Variants in NCOA2 observed in about 807,000 individuals in gnomAD.
The protein encoded by NCOA2 is class E basic helix-loop-helix protein 75.
In NCOA2, 21 loss-of-function variants were observed where a neutral mutation model predicts 145.1. The ratio of observed to expected loss-of-function variants is 0.14; its 90% CI spans 0.10 to 0.21. NCOA2 has a LOEUF of 0.21. Among genes scored for constraint, NCOA2 ranks in the 10% least tolerant of loss-of-function variants. The pLI is 1.00. For synonymous variants in NCOA2, 619 were observed against 637.5 expected, an observed-to-expected ratio of 0.97 and a Z score of 0.44; for missense variants, 1,472 against 1,837.6, an observed-to-expected ratio of 0.80 and a Z score of 3.64.
At chr8:70,201,757 G>C (rs1229237018) in intron 4 of NCOA2, among the ~76,000 whole-genome samples, 2 of 152,162 alleles carry the variant, frequency 1.3e-5, no homozygotes, top group Non-Finnish European at 2.9e-5. Flanking sequence ...ACCTGTATAG[G>C]AAGTCTAACG....
chr8:70,326,463 ACACACACATG>A (rs1158122373), intron 1 of NCOA2, among the ~76,000 whole-genome samples: 2 of 150,924 alleles, frequency 1.3e-5, no homozygotes, highest in Admixed American at 1.3e-4. Context: ...GCACACACAC[ACACACACATG>A]CACACACACA....
intron 1 of NCOA2, among the ~76,000 whole-genome samples, chr8:70,400,855 C>A (rs1370919324): frequency 6.6e-6 from 1 of 152,112 alleles, no homozygotes; most frequent in Non-Finnish European, 1.5e-5. Context: ...TTCTTAGCAA[C>A]CCAAGATTAA....
Position 70,253,738 on chromosome 8 carries a change from C to T in NCOA2, c.-19-36974G>A, listed in dbSNP as rs145453534. ...ATGCTGGAGCCTTACCTTACGCATA[C>T]AAAAATTAACTCAAAATGATTACAA... is the stretch of plus-strand genomic sequence containing the variant. On this transcript the variant is annotated intron_variant, in intron 2 of 22. Coordinates refer to ENST00000452400, the MANE Select transcript of NCOA2 (RefSeq NM_006540.4). Among the ~76,000 whole-genome samples the T allele has an allele frequency of 5.3e-5, 8 of 152,092 alleles. No homozygotes were observed. In the East Asian group the frequency reaches 1.4e-3, roughly 26 times the overall value.
intron 2 of NCOA2, among the ~76,000 whole-genome samples, chr8:70,271,068 G>T (rs184678649): frequency 1.3e-5 from 2 of 152,068 alleles, no homozygotes; most frequent in Admixed American, 6.6e-5. Flanking sequence ...TGCAATAGAG[G>T]GGAAGATATA....
chr8:70,451,571 C>T, the NCOA2 span, among the ~76,000 whole-genome samples: 1 of 147,498 alleles, frequency 6.8e-6, no homozygotes, highest in Non-Finnish European at 1.5e-5. Flanking sequence ...TGCTTAAGCA[C>T]TCACAAATAT....
At chr8:70,141,091 G>T in intron 14 of NCOA2, 93 bp downstream of exon 14, 1 of 1,204,094 alleles carries the variant, frequency 8.3e-7, no homozygotes, top group Non-Finnish European at 1.2e-6. Context: ...TATCTAAAAT[G>T]CCCATAAGAA....
intron 1 of NCOA2, among the ~76,000 whole-genome samples, chr8:70,352,197 AAGTATT>A (rs1809307939): frequency 6.6e-6 from 1 of 152,150 alleles, no homozygotes; most frequent in African/African-American, 2.4e-5. Flanking sequence ...GTTCCAGGCA[AAGTATT>A]AGATGTTTAG....
intron 11 of NCOA2, among the ~76,000 whole-genome samples, chr8:70,152,029 G>T (rs754354077): frequency 5.3e-5 from 8 of 151,974 alleles, no homozygotes; most frequent in Non-Finnish European, 8.8e-5. Context: ...TATCCACTTT[G>T]TTAGGCACAA....
intron 2 of NCOA2, among the ~76,000 whole-genome samples, chr8:70,266,707 C>T (rs1026073719): frequency 5.9e-5 from 9 of 152,166 alleles, no homozygotes; most frequent in African/African-American, 2.2e-4. Context: ...ATAAATGCCT[C>T]CCTAACCAAT....
chr8:70,309,359 A>G (rs1200543551), intron 1 of NCOA2, among the ~76,000 whole-genome samples: 1 of 151,984 alleles, frequency 6.6e-6, no homozygotes, highest in Non-Finnish European at 1.5e-5. Context: ...ATAAATAGTA[A>G]TAAGGACTTA....
chr8:70,419,307 A>G, the NCOA2 span, among the ~76,000 whole-genome samples: 2 of 152,110 alleles, frequency 1.3e-5, no homozygotes, highest in Non-Finnish European at 2.9e-5. Context: ...TAAATGAACC[A>G]AAAGGATATA....
chr8:70,368,706 A>G (rs991619104), intron 1 of NCOA2, among the ~76,000 whole-genome samples: 1 of 152,234 alleles, frequency 6.6e-6, no homozygotes, highest in Non-Finnish European at 1.5e-5. Flanking sequence ...AATTTAGAAA[A>G]TAAGGACAGT....
rs754318245 is a variant in NCOA2, at chr8:70,144,783, T to C, written c.2671A>G (p.Ile891Val). The C allele has an allele frequency of 1.2e-5, 20 of 1,613,862 alleles. No individual in the cohort carries two copies. Among genetic ancestry groups the C allele is most frequent in the African/African-American group, 4.0e-5 (3 of 74,920 alleles). The change falls in exon 13 of 23, where the codon ATC becomes GTC. Residue 891 changes from isoleucine to valine, a missense_variant. Around this residue, in one of 4 missense-constraint regions of NCOA2, gnomAD observed 953 missense variants for 1,062.1 expected, o/e 0.90. Coordinates refer to ENST00000452400, the MANE Select transcript of NCOA2 (RefSeq NM_006540.4). ...LLPNQNLPLD[I>V]TLQSPTGAGP... ...GCACCAGTTGGGCTTTGCAATGTGA[T>C]GTCAAGTGGTAAATTCTGGTTTGGC...
the NCOA2 span, among the ~76,000 whole-genome samples, chr8:70,445,123 T>C: frequency 6.6e-6 from 1 of 152,206 alleles, no homozygotes; most frequent in African/African-American, 2.4e-5. Context: ...TTCTTGCCTG[T>C]TTGCCTGCCA....
intron 1 of NCOA2, among the ~76,000 whole-genome samples, chr8:70,311,141 A>T (rs1170755269): frequency 1.3e-5 from 2 of 152,144 alleles, no homozygotes; most frequent in Non-Finnish European, 2.9e-5. Flanking sequence ...AGTGTGTCCA[A>T]GAAAAATAAG....
chr8:70,411,278 A>G, the NCOA2 span, among the ~76,000 whole-genome samples: 1 of 152,180 alleles, frequency 6.6e-6, no homozygotes, highest in Admixed American at 6.5e-5. Context: ...AGTTCTAGCC[A>G]ATGTGATAAA....
chr8:70,400,583 T>C (rs1415303452), intron 1 of NCOA2, among the ~76,000 whole-genome samples: 1 of 152,216 alleles, frequency 6.6e-6, no homozygotes, highest in Non-Finnish European at 1.5e-5. Context: ...TTGAATGTTG[T>C]CAAATTTTGA....
At chr8:70,338,292 T>C (rs953955232) in intron 1 of NCOA2, among the ~76,000 whole-genome samples, 1 of 151,826 alleles carries the variant, frequency 6.6e-6, no homozygotes, top group Non-Finnish European at 1.5e-5. Flanking sequence ...ATACAACCAT[T>C]AGAGAATACT....
chr8:70,209,035 T>C (rs1818752401), intron 4 of NCOA2, among the ~76,000 whole-genome samples: 1 of 152,210 alleles, frequency 6.6e-6, no homozygotes, highest in Admixed American at 6.5e-5. Flanking sequence ...TGGAAAGGAA[T>C]CACCATTCTA....
Sources: gnomAD v4.1 joint callset for allele counts (sites outside exome capture counted in the v4.1 genomes callset) on GRCh38, gnomAD v4.1.1 for gene constraint, gnomAD v4.1.1 regional missense constraint, MANE v1.5 for transcripts, NCBI Gene and HGNC (gene_info 2026-07-23, HGNC 2026-07-21) for gene names.